SMG9: variants seen among roughly 807,000 people sequenced by gnomAD.
SMG9 encodes SMG9 nonsense mediated mRNA decay factor.
A neutral mutation model predicts 64.0 loss-of-function variants in SMG9; 55 were observed. The ratio of observed to expected loss-of-function variants is 0.86; its 90% confidence interval spans 0.69 to 1.08. The LOEUF is 1.08. SMG9 is among the 50% of genes least tolerant of loss of function. SMG9 has a pLI of 0.00. For missense variants in SMG9, 554 were observed against 681.3 expected, an observed-to-expected ratio of 0.81 and a Z score of 2.08; for synonymous variants, 244 against 254.8, an observed-to-expected ratio of 0.96 and a Z score of 0.41.
intron 9 of SMG9, among the ~76,000 whole-genome samples, chr19:43,736,927 G>A (rs956356826): frequency 1.3e-5 from 2 of 152,204 alleles, no homozygotes; most frequent in Non-Finnish European, 2.9e-5. Flanking sequence ...GGGAGGCGGA[G>A]TGCAGAGGTC....
chr19:43,750,808 T>G, intron 1 of SMG9, 61 bp from the exon 2 acceptor site: 5 of 1,475,080 alleles, frequency 3.4e-6, no homozygotes, highest in Middle Eastern at 1.8e-4. Context: ...ACTTGGCATA[T>G]CCTAGACTAT....
intron 9 of SMG9, among the ~76,000 whole-genome samples, chr19:43,736,169 A>G (rs1968660387): frequency 6.6e-6 from 1 of 152,200 alleles, no homozygotes; most frequent in South Asian, 2.1e-4. Context: ...AGTTTTCTCC[A>G]TCAACTGCTT....
chr19:43,748,193 A>AC, intron 2 of SMG9, 141 bp from the exon 3 acceptor site: 1 of 1,030,648 alleles, frequency 9.7e-7, no homozygotes, highest in Non-Finnish European at 1.4e-6. Context: ...TACTATTATT[A>AC]CCCCCACTTT....
intron 2 of SMG9, chr19:43,748,708 TG>T: frequency 7.7e-6 from 4 of 520,206 alleles, no homozygotes; most frequent in South Asian, 5.6e-5. Context: ...GGGAGAAATC[TG>T]AGTCTGAGTC....
chr19:43,739,870 T>C (rs1568376215), intron 7 of SMG9: 1 of 537,796 alleles, frequency 1.9e-6, no homozygotes, highest in Non-Finnish European at 3.4e-6. Context: ...GCCCACACTT[T>C]TCAGCACTAT....
chr19:43,749,559 G>T (rs1969130441), intron 2 of SMG9, among the ~76,000 whole-genome samples: 1 of 152,202 alleles, frequency 6.6e-6, no homozygotes, highest in Non-Finnish European at 1.5e-5. Flanking sequence ...CCAAGAGAAG[G>T]AGCAAGTAAG....
In SMG9 at chr19:43,731,300, G is replaced by A. The variant is rs539341775; in HGVS notation, c.*296C>T. Reference sequence around the variant, plus strand: ...GAAAAAGGAGGTCAAGATGGAGCCCGGGCTTCCTGGTGACCATTCAGACTC... The same window carrying A: ...GAAAAAGGAGGTCAAGATGGAGCCCAGGCTTCCTGGTGACCATTCAGACTC... On this transcript the variant is annotated 3_prime_UTR_variant, in exon 14 of 14. Coordinates refer to ENST00000270066, the MANE Select transcript of SMG9 (RefSeq NM_019108.4). 2.0e-4 allele frequency: 239 copies of A among 1,185,804 alleles called. 1 individual carries two copies. The highest frequency in any genetic ancestry group is 1.2e-3 in the African/African-American group (78 of 63,338). The allele number at this position is 1,185,804 out of a possible 1,614,324, so 73.5% of individuals were successfully genotyped here.
At chr19:43,740,843 A>C (rs1968824941) in intron 6 of SMG9, among the ~76,000 whole-genome samples, 1 of 152,132 alleles carries the variant, frequency 6.6e-6, no homozygotes, top group Non-Finnish European at 1.5e-5. Context: ...TGGGAATATG[A>C]GGGCAAAGCA....
chr19:43,747,545 G>A lies in SMG9; in HGVS notation c.491-6C>T, dbSNP rs200348310. 2.5e-6 allele frequency: 4 copies of A among 1,614,184 alleles called. No homozygotes were observed. The highest frequency in any genetic ancestry group is 2.7e-5 in the African/African-American group (2 of 75,066). ...TTTGGCCTGACCCACGACAGCTGGA[G>A]ATTGGAGAAAGCAGGAGACAGAGGA... On this transcript the variant is annotated splice_polypyrimidine_tract_variant and splice_region_variant and intron_variant, in intron 4 of 13. Transcript: ENST00000270066.
At chr19:43,750,524 C>T in intron 2 of SMG9, 68 bp downstream of exon 2, 5 of 1,528,558 alleles carry the variant, frequency 3.3e-6, no homozygotes, top group Admixed American at 4.0e-5. Context: ...TGGATTAGTG[C>T]CTGGCACATG....
chr19:43,748,066 G>A lies in SMG9; in HGVS notation c.151-14C>T, dbSNP rs751550661. ...TTCGCTGGCATCCTGTGGTGAGGGA[G>A]GGCAGTTACTCATGAATGGCTCTCC... is the stretch of plus-strand genomic sequence containing the variant. On this transcript the variant is annotated splice_polypyrimidine_tract_variant and intron_variant, in intron 2 of 13. Coordinates refer to ENST00000270066, the MANE Select transcript of SMG9 (RefSeq NM_019108.4). 12 of 1,598,800 alleles carry A rather than the reference G, an allele frequency of 7.5e-6. No individual in the cohort carries two copies. Among genetic ancestry groups the A allele is most frequent in the Admixed American group, 1.7e-5 (1 of 57,938 alleles).
intron 9 of SMG9, among the ~76,000 whole-genome samples, chr19:43,735,639 A>AAAAAAAAAAAAAC (rs1568597015): frequency 6.7e-6 from 1 of 148,590 alleles, no homozygotes; most frequent in African/African-American, 2.5e-5. Context: ...AAAAAAAAAA[A>AAAAAAAAAAAAAC]TCTGTGTGGT....
intron 6 of SMG9, among the ~76,000 whole-genome samples, chr19:43,741,930 T>C (rs1968856915): frequency 6.6e-6 from 1 of 152,126 alleles, no homozygotes; most frequent in Admixed American, 6.5e-5. Context: ...GGAGGATCAC[T>C]TGAGGTCAGG....
intron 13 of SMG9, chr19:43,732,506 G>A (rs1968515068): frequency 4.1e-6 from 1 of 243,046 alleles, no homozygotes; most frequent in Admixed American, 5.2e-5. Context: ...TCTTCCTTAA[G>A]CTAAATCTGG....
chr19:43,737,143 G>A (rs1251908055), intron 9 of SMG9, among the ~76,000 whole-genome samples: 4 of 152,230 alleles, frequency 2.6e-5, no homozygotes, highest in Middle Eastern at 3.4e-3. Flanking sequence ...CATGGTGGTG[G>A]GTGCCTGTAA....
intron 2 of SMG9, 33 bp downstream of exon 2, chr19:43,750,559 A>G: frequency 1.3e-6 from 2 of 1,584,740 alleles, no homozygotes; most frequent in Non-Finnish European, 8.6e-7. Flanking sequence ...CCAAATAGAT[A>G]CATGAATGCT....
In SMG9 at chr19:43,731,096, G is replaced by T; in HGVS notation, c.*500C>A. Reference sequence around the variant, plus strand: ...CCCGCAAGGGCTGGGTGTCCAATTTGTCCTGCTTCCCAGAGCTGCATGGTG... The same window carrying T: ...CCCGCAAGGGCTGGGTGTCCAATTTTTCCTGCTTCCCAGAGCTGCATGGTG... On this transcript the variant is annotated 3_prime_UTR_variant, in exon 14 of 14. Coordinates refer to ENST00000270066, the MANE Select transcript of SMG9 (RefSeq NM_019108.4). 1 of 985,600 alleles carries T rather than the reference G, an allele frequency of 1.0e-6. No individual in the cohort carries two copies. The highest frequency in any genetic ancestry group is 4.7e-5 in the South Asian group (1 of 21,320). 61.1% of individuals were successfully genotyped at this position (985,600 alleles called of 1,614,324 possible). A position where few individuals can be genotyped will look rare whatever the true frequency, so the allele number is the denominator to read the frequency against.
chr19:43,737,709 G>A (rs1192060316), intron 8 of SMG9, 27 bp from the exon 9 acceptor site: 1 of 1,610,038 alleles, frequency 6.2e-7, no homozygotes. Flanking sequence ...TGGAAGGGAG[G>A]TGAGGACCTC....
intron 7 of SMG9, among the ~76,000 whole-genome samples, chr19:43,739,204 C>CGTTAGCCAGGCA (rs1269540020): frequency 6.6e-6 from 1 of 152,184 alleles, no homozygotes; most frequent in African/African-American, 2.4e-5. Context: ...AAGAAGAAGG[C>CGTTAGCCAGGCA]GTTAGCCAGG....
Sources: allele counts gnomAD v4.1 joint callset (sites outside exome capture counted in the v4.1 genomes callset), GRCh38; gene constraint gnomAD v4.1.1; transcripts MANE v1.5; gene names NCBI Gene and HGNC (gene_info 2026-07-23, HGNC 2026-07-21).